USP15: variants seen among roughly 807,000 people sequenced by gnomAD.
USP15 encodes the protein ubiquitin specific peptidase 15.
Under a neutral mutation model 127.1 loss-of-function variants are expected in USP15, and 18 were observed. The observed-to-expected ratio is 0.14, with a 90% CI of 0.10 to 0.21. The LOEUF is 0.21. USP15 is among the 10% of genes least tolerant of loss of function. The pLI is 1.00. For synonymous variants in USP15, 364 were observed against 393.7 expected, an observed-to-expected ratio of 0.92 and a Z score of 0.89; for missense variants, 805 against 1,159.9, an observed-to-expected ratio of 0.69 and a Z score of 4.44.
At chr12:62,298,379 T>C (rs575649025) in intron 2 of USP15, among the ~76,000 whole-genome samples, 3 of 151,378 alleles carry the variant, frequency 2.0e-5, no homozygotes, top group African/African-American at 4.8e-5. Flanking sequence ...ACAAAAAAAA[T>C]AATCCAGCCA....
In USP15 at chr12:62,260,547, TGGA is replaced by T. The variant is rs889859364; in HGVS notation, c.89+46_89+48del. ...GATGCCCGCGGTTGCCCGAGGATAG[TGGA>T]GAAGTGGGCGGGAGCCGCGAGCTGG... is the stretch of plus-strand genomic sequence containing the variant. On this transcript the variant is annotated intron_variant, in intron 1 of 21. Coordinates refer to ENST00000280377, the MANE Select transcript of USP15 (RefSeq NM_001252078.2). 2.6e-6 allele frequency: 4 copies of T among 1,519,282 alleles called. No individual in the cohort carries two copies. The African/African-American group carries it at 5.5e-5, about 21-fold the overall frequency. 94.1% of individuals were successfully genotyped at this position (1,519,282 alleles called of 1,614,324 possible).
At chr12:62,273,284 A>G (rs570739236) in intron 1 of USP15, among the ~76,000 whole-genome samples, 2 of 151,974 alleles carry the variant, frequency 1.3e-5, no homozygotes, top group Non-Finnish European at 2.9e-5. Context: ...ATATGCTTTC[A>G]TAGCTCCCTG....
At chr12:62,268,998 A>G (rs919839142) in intron 1 of USP15, among the ~76,000 whole-genome samples, 1 of 137,276 alleles carries the variant, frequency 7.3e-6, no homozygotes. Flanking sequence ...ATGGAATCGT[A>G]TAGTATGTGC....
chr12:62,331,451 G>T (rs967119773), intron 6 of USP15, among the ~76,000 whole-genome samples: 9 of 152,268 alleles, frequency 5.9e-5, no homozygotes, highest in Middle Eastern at 3.4e-3. Context: ...GGCATCCAGG[G>T]TTCCCACCCC....
chr12:62,287,274 A>G (rs1205726450), intron 1 of USP15, among the ~76,000 whole-genome samples: 2 of 152,210 alleles, frequency 1.3e-5, no homozygotes, highest in Non-Finnish European at 2.9e-5. Context: ...GCATCACGCA[A>G]TATACCCATG....
At position 62,396,277 on chromosome 12, in the gene USP15, G is replaced by A. The variant is rs1214112285; in HGVS notation, c.2571-18G>A. 2.6e-6 allele frequency: 4 copies of A among 1,549,394 alleles called. No homozygotes were observed. The East Asian group carries it at 6.8e-5, about 26-fold the overall frequency. Reference sequence around the variant, plus strand: ...TTAGGGACAACATAAAAATTAACTTGGTTTCTTTTTTAAACAGTGACTTGG... The same window carrying A: ...TTAGGGACAACATAAAAATTAACTTAGTTTCTTTTTTAAACAGTGACTTGG... On this transcript the variant is annotated intron_variant, in intron 19 of 21. Transcript: ENST00000280377.
At chr12:62,272,646 G>A (rs1319051414) in intron 1 of USP15, among the ~76,000 whole-genome samples, 3 of 151,764 alleles carry the variant, frequency 2.0e-5, no homozygotes, top group Non-Finnish European at 4.4e-5. Context: ...CTTTCTCCCT[G>A]CCAACTCCAA....
At chr12:62,380,660 G>T (rs1161797030) in intron 8 of USP15, among the ~76,000 whole-genome samples, 5 of 152,010 alleles carry the variant, frequency 3.3e-5, no homozygotes, top group Non-Finnish European at 7.4e-5. Context: ...CCATATGTCT[G>T]TGTTAGTCGT....
In USP15 at chr12:62,384,011, A is replaced by G. The variant is rs200023289; in HGVS notation, c.1248+13A>G. The G allele has an allele frequency of 4.4e-5, 71 of 1,611,174 alleles. 1 individual carries two copies. The highest frequency in any genetic ancestry group is 5.4e-5 in the Non-Finnish European group (64 of 1,178,604). On this transcript the variant is annotated intron_variant, in intron 10 of 21. Transcript: ENST00000280377. The stretch of plus-strand genomic sequence containing the variant: ...AAGGCCAGATAAGGTAAATTTCATG[A>G]TCCTATTGTCACCATTGTTATAATT...
At chr12:62,335,322 G>A in intron 6 of USP15, 10 of 1,449,960 alleles carry the variant, frequency 6.9e-6, no homozygotes, top group Non-Finnish European at 9.0e-6. Context: ...TGGACCATGT[G>A]TAATCTGAGT....
At chr12:62,350,156 T>C (rs1184427059) in intron 7 of USP15, among the ~76,000 whole-genome samples, 1 of 151,960 alleles carries the variant, frequency 6.6e-6, no homozygotes, top group Non-Finnish European at 1.5e-5. Context: ...TCAAAAATTT[T>C]AGTATTTAGA....
rs1196132734 is a variant in USP15 at position 62,318,580 on chromosome 12, G to A, written c.476-2884G>A. 2.6e-5 allele frequency among the ~76,000 whole-genome samples: 4 copies of A among 152,160 alleles called. No individual in the cohort carries two copies. In the East Asian group the frequency reaches 7.7e-4, roughly 29 times the overall value. ...TTCTCCCAGCCCTCCTTTCCTTGGT[G>A]ATTTCTTTTGTTCTCCTGGCTTTAA... On this transcript the variant is annotated intron_variant, in intron 4 of 21. Coordinates refer to ENST00000280377, the MANE Select transcript of USP15 (RefSeq NM_001252078.2).
intron 6 of USP15, among the ~76,000 whole-genome samples, chr12:62,332,034 G>T (rs1448957786): frequency 6.6e-6 from 1 of 151,682 alleles, no homozygotes; most frequent in East Asian, 1.9e-4. Context: ...GGGTGGTGGC[G>T]GCGCCTGTAG....
chr12:62,281,660 T>C (rs1391823872), intron 1 of USP15, among the ~76,000 whole-genome samples: 1 of 152,142 alleles, frequency 6.6e-6, no homozygotes, highest in Non-Finnish European at 1.5e-5. Context: ...TTTTTCTACT[T>C]TCCTGATGTT....
intron 20 of USP15, among the ~76,000 whole-genome samples, chr12:62,396,903 C>G (rs530323932): frequency 6.6e-6 from 1 of 152,264 alleles, no homozygotes; most frequent in East Asian, 1.9e-4. Context: ...TCACTTCCTA[C>G]CACTGTAAGA....
At chr12:62,307,129 T>C (rs916031976) in intron 3 of USP15, among the ~76,000 whole-genome samples, 18 of 152,134 alleles carry the variant, frequency 1.2e-4, no homozygotes, top group African/African-American at 4.3e-4. Context: ...AGTGGAGACC[T>C]ACATTGTTTT....
At chr12:62,270,019 T>C (rs894859435) in intron 1 of USP15, among the ~76,000 whole-genome samples, 1 of 152,052 alleles carries the variant, frequency 6.6e-6, no homozygotes, top group African/African-American at 2.4e-5. Context: ...GGGTTCCAGT[T>C]TTTTCACCTC....
At chr12:62,387,686 G>A (rs2067196281) in intron 11 of USP15, among the ~76,000 whole-genome samples, 6 of 152,062 alleles carry the variant, frequency 3.9e-5, no homozygotes, top group Admixed American at 3.9e-4. Flanking sequence ...AGAAGTAAAT[G>A]GGAGATAAGG....
chr12:62,351,032 T>A (rs2065952125), intron 7 of USP15, among the ~76,000 whole-genome samples: 1 of 152,116 alleles, frequency 6.6e-6, no homozygotes, highest in African/African-American at 2.4e-5. Context: ...TTGGGAAAAA[T>A]TAAACAATGA....
Sources: gnomAD v4.1 joint callset for allele counts (sites outside exome capture counted in the v4.1 genomes callset) on GRCh38, gnomAD v4.1.1 for gene constraint, MANE v1.5 for transcripts, NCBI Gene and HGNC (gene_info 2026-07-23, HGNC 2026-07-21) for gene names.